Variants in NKD2 observed in about 807,000 individuals in gnomAD.
The protein encoded by NKD2 is NKD inhibitor of Wnt signaling pathway 2.
In NKD2, 43 loss-of-function variants were observed where a neutral mutation model predicts 34.8. The observed-to-expected ratio is 1.24, with a 90% confidence interval of 0.97 to 1.60. NKD2 has a LOEUF of 1.60. NKD2 is among the 40% of genes most tolerant of loss of function. The probability of loss-of-function intolerance (pLI) is 0.00; values close to 1 mark genes in which losing one functional copy is unlikely to be tolerated. For missense variants in NKD2, 675 were observed against 627.1 expected (o/e 1.08, Z -0.82); for synonymous variants, 278 against 265.1 (o/e 1.05, Z -0.47).
chr5:1,026,664 C>T (rs2150739856), intron 3 of NKD2, among the ~76,000 whole-genome samples: 1 of 152,386 alleles, frequency 6.6e-6, no homozygotes, highest in South Asian at 2.1e-4. Context: ...TCAGCCTTTT[C>T]CTGAGAGGCC....
At chr5:1,017,377 A>G (rs927962291) in intron 3 of NKD2, among the ~76,000 whole-genome samples, 1 of 152,148 alleles carries the variant, frequency 6.6e-6, no homozygotes, top group African/African-American at 2.4e-5. Context: ...CAGGGCAGCC[A>G]CTCATGTCTG....
Position 1,037,926 on chromosome 5 carries a change from G to A in NKD2, c.909G>A (p.Val303=), listed in dbSNP as rs577601655. ...AVHHRRSQVL[V]EHVVPASEPA... ...ACCACCGCAGGTCACAGGTGCTGGT[G>A]GAACACGTCGTGCCAGCCTCGGAGC... The change falls in exon 10 of 10, where the codon GTG becomes GTA. Residue 303 remains valine (V), a synonymous_variant. Transcript: ENST00000296849. The A allele has an allele frequency of 6.2e-7, 1 of 1,607,364 alleles. No homozygotes were observed. Among genetic ancestry groups the A allele is most frequent in the African/African-American group, 1.3e-5 (1 of 75,022 alleles).
rs775992990 is a variant in NKD2, at chr5:1,033,370, A to G, written c.203-2A>G. 5 of 1,597,024 alleles carry G rather than the reference A, an allele frequency of 3.1e-6. No individual in the cohort carries two copies. Among genetic ancestry groups the G allele is most frequent in the Non-Finnish European group, 4.3e-6 (5 of 1,172,600 alleles). The stretch of plus-strand genomic sequence containing the variant: ...CCCCTTCGCCTCCTCTTGTCCCCCT[A>G]GTGGCACTCCCCGCTGAGAAAGCTG... On this transcript the variant is annotated splice_acceptor_variant, in intron 4 of 9. Transcript: ENST00000296849. LOFTEE classifies it high-confidence loss of function.
intron 3 of NKD2, among the ~76,000 whole-genome samples, chr5:1,027,375 C>T (rs886807154): frequency 5.3e-5 from 8 of 152,198 alleles, no homozygotes; most frequent in Non-Finnish European, 1.2e-4. Flanking sequence ...TGGATAACGT[C>T]CCAGACTTGG....
intron 9 of NKD2, chr5:1,036,835 AACAG>A (rs1270572499): frequency 8.9e-6 from 4 of 449,134 alleles, no homozygotes; most frequent in East Asian, 1.5e-4. Flanking sequence ...CAGTGTGGAC[AACAG>A]ACAGTGTCGA....
In NKD2 at chr5:1,034,891, C is replaced by T. The variant is rs780433973; in HGVS notation, c.562C>T (p.Pro188Ser). The part of the protein sequence containing the change: ...EPSSKRKEGP[P>S]AGQDREPTRC... Reference sequence around the variant, plus strand: ...CTCCAGCAAGAGGAAGGAGGGTCCTCCTGCTGGCCAGGGTGAGTGAGGCCT... The same window carrying T: ...CTCCAGCAAGAGGAAGGAGGGTCCTTCTGCTGGCCAGGGTGAGTGAGGCCT... The change falls in exon 7 of 10, where the codon CCT becomes TCT. Residue 188 changes from proline to serine, a missense_variant. Transcript: ENST00000296849. 2 of 1,609,898 alleles carry T rather than the reference C, an allele frequency of 1.2e-6. No individual in the cohort carries two copies. Among genetic ancestry groups the T allele is most frequent in the African/African-American group, 1.3e-5 (1 of 74,840 alleles).
intron 3 of NKD2, among the ~76,000 whole-genome samples, chr5:1,012,894 C>A (rs1344109363): frequency 6.6e-6 from 1 of 152,200 alleles, no homozygotes; most frequent in Non-Finnish European, 1.5e-5. Flanking sequence ...GGAGCAGTTT[C>A]TTGTAGAAGA....
rs199593709 is a variant in NKD2 at position 1,033,354 on chromosome 5, C to T, written c.203-18C>T. ...ATGTGCCCTCTGCCAGCCCCTTCGCCTCCTCTTGTCCCCCTAGTGGCACTC... is the reference window on the plus strand; with the variant it reads ...ATGTGCCCTCTGCCAGCCCCTTCGCTTCCTCTTGTCCCCCTAGTGGCACTC... On this transcript the variant is annotated intron_variant, in intron 4 of 9. Transcript: ENST00000296849. The T allele has an allele frequency of 1.3e-4, 205 of 1,587,486 alleles. 1 individual carries two copies. In the African/African-American group the frequency reaches 2.4e-3, roughly 18 times the overall value.
At chr5:1,032,330 G>C in intron 4 of NKD2, 118 bp downstream of exon 4, 1 of 769,612 alleles carries the variant, frequency 1.3e-6, no homozygotes, top group Non-Finnish European at 2.2e-6. Flanking sequence ...CACTTCCCAG[G>C]CTTAGACGCA....
intron 3 of NKD2, among the ~76,000 whole-genome samples, chr5:1,017,387 G>A (rs1756002753): frequency 6.6e-6 from 1 of 152,260 alleles, no homozygotes; most frequent in South Asian, 2.1e-4. Context: ...ACTCATGTCT[G>A]AGACCAGCCA....
intron 3 of NKD2, among the ~76,000 whole-genome samples, chr5:1,017,327 G>A (rs6861068): frequency 6.6e-6 from 1 of 152,160 alleles, no homozygotes; most frequent in African/African-American, 2.4e-5. Flanking sequence ...TCCCGAGGGC[G>A]TGCCAGGCCA....
chr5:1,033,810 G>A (rs1170744979), intron 5 of NKD2, among the ~76,000 whole-genome samples: 5 of 152,210 alleles, frequency 3.3e-5, no homozygotes, highest in African/African-American at 7.2e-5. Flanking sequence ...CTGACTTGAC[G>A]GACAGCCCGA....
intron 3 of NKD2, among the ~76,000 whole-genome samples, chr5:1,027,841 G>T (rs565564946): frequency 2.6e-5 from 4 of 152,156 alleles, no homozygotes; most frequent in Non-Finnish European, 5.9e-5. Context: ...AGAGGACATC[G>T]CCCGCTCCAG....
At position 1,038,223 on chromosome 5, in the gene NKD2, G is replaced by T; in HGVS notation, c.1206G>T (p.Gln402His). ...GHSPLKAPHA[Q>H]PATVEHEVVR... ...CGCCACTCAAGGCCCCACACGCTCA[G>T]CCTGCCACAGTGGAGCACGAGGTGG... Residue 402 changes from glutamine to histidine, a missense_variant, in exon 10 of 10, where the codon CAG becomes CAT. By Grantham distance (24) the Gln-to-His change is conservative (BLOSUM62 0). Transcript: ENST00000296849. The surrounding 1 kb of genome is among the most constrained non-coding windows in gnomAD (Gnocchi z 4.5). The T allele has an allele frequency of 1.9e-6, 3 of 1,591,594 alleles. No homozygotes were observed. The highest frequency in any genetic ancestry group is 2.6e-6 in the Non-Finnish European group (3 of 1,171,514).
intron 3 of NKD2, among the ~76,000 whole-genome samples, chr5:1,030,852 C>T (rs770124247): frequency 2.4e-4 from 37 of 152,210 alleles, no homozygotes; most frequent in Non-Finnish European, 4.7e-4. Context: ...CCGCCCTGGG[C>T]GGCCAGCAGG....
At chr5:1,032,818 G>A (rs781582145) in intron 4 of NKD2, among the ~76,000 whole-genome samples, 66 of 152,192 alleles carry the variant, frequency 4.3e-4, no homozygotes, top group Non-Finnish European at 8.5e-4. Context: ...TGCTGAGCCC[G>A]GACAGTCCCA....
intron 3 of NKD2, among the ~76,000 whole-genome samples, chr5:1,020,433 C>G (rs930385151): frequency 2.0e-5 from 3 of 152,174 alleles, no homozygotes; most frequent in Non-Finnish European, 4.4e-5. Flanking sequence ...CCCCCACCCC[C>G]TAGTCACCCT....
chr5:1,029,236 G>T (rs1419716980), intron 3 of NKD2, among the ~76,000 whole-genome samples: 1 of 152,166 alleles, frequency 6.6e-6, no homozygotes, highest in Admixed American at 6.5e-5. Context: ...GCGTTCGAGC[G>T]CTGAGAATTC....
intron 3 of NKD2, among the ~76,000 whole-genome samples, chr5:1,012,785 T>C (rs1755804432): frequency 6.6e-6 from 1 of 152,068 alleles, no homozygotes; most frequent in Non-Finnish European, 1.5e-5. Flanking sequence ...CCCTGCCCCT[T>C]CCCTGCCCCT....
Sources: gnomAD v4.1 joint callset for allele counts (sites outside exome capture counted in the v4.1 genomes callset) on GRCh38, gnomAD v4.1.1 for gene constraint, Gnocchi (gnomAD v3.1) non-coding constraint, MANE v1.5 for transcripts, NCBI Gene and HGNC (gene_info 2026-07-23, HGNC 2026-07-21) for gene names.